SCAF4: variants seen among roughly 807,000 people sequenced by gnomAD.
SCAF4 encodes SR-related and CTD-associated factor 4.
SCAF4 carries 25 observed loss-of-function variants against 129.8 expected under a neutral mutation model. The observed-to-expected ratio is 0.19, with a 90% CI of 0.14 to 0.27. SCAF4 has a LOEUF of 0.27. Ranked by LOEUF, SCAF4 falls within the 10% of genes least tolerant of loss-of-function variation. The probability of loss-of-function intolerance (pLI) is 1.00; values close to 1 mark genes in which losing one functional copy is unlikely to be tolerated. For synonymous variants in SCAF4, 551 were observed against 497.7 expected (o/e 1.11, Z -1.43); for missense variants, 1,246 against 1,457.1 (o/e 0.86, Z 2.36).
chr21:31,696,883 G>T, intron 7 of SCAF4, 133 bp from the exon 8 acceptor site: 1 of 727,334 alleles, frequency 1.4e-6, no homozygotes, highest in Admixed American at 2.8e-5. Flanking sequence ...TTTCCCTTAT[G>T]CCCCTCAGGA....
intron 19 of SCAF4, among the ~76,000 whole-genome samples, chr21:31,674,005 G>A (rs1317396626): frequency 1.3e-5 from 2 of 152,214 alleles, no homozygotes; most frequent in Non-Finnish European, 2.9e-5. Flanking sequence ...CAGTTTCAAA[G>A]CATCTTATTA....
At chr21:31,677,880 T>A (rs1045798997) in intron 19 of SCAF4, among the ~76,000 whole-genome samples, 4 of 152,130 alleles carry the variant, frequency 2.6e-5, no homozygotes, top group Non-Finnish European at 5.9e-5. Context: ...AGTCTCCCCA[T>A]CTATAAAATG....
At position 31,708,089 on chromosome 21, in the gene SCAF4, T is replaced by C. The variant is rs375356369; in HGVS notation, c.31-1732A>G. Among the ~76,000 whole-genome samples, 55 of 152,174 alleles carry C rather than the reference T, an allele frequency of 3.6e-4. No individual in the cohort carries two copies. In the South Asian group the frequency reaches 0.011, roughly 30 times the overall value. Reference sequence around the variant, plus strand: ...AAACGCTCACTAACTGAAAGGCAATTAGAAAAGAAACAGTAAGGCCAGGCG... The same window carrying C: ...AAACGCTCACTAACTGAAAGGCAATCAGAAAAGAAACAGTAAGGCCAGGCG... On this transcript the variant is annotated intron_variant, in intron 1 of 19. Transcript: ENST00000286835.
intron 1 of SCAF4, among the ~76,000 whole-genome samples, chr21:31,714,844 T>G (rs1601257237): frequency 6.6e-6 from 1 of 151,722 alleles, no homozygotes; most frequent in Non-Finnish European, 1.5e-5. Flanking sequence ...ACCTAACACA[T>G]AAGTGCTGAG....
In SCAF4 at chr21:31,685,198, GA is replaced by G; in HGVS notation, c.2338del (p.Ser780LeufsTer23). The stretch of plus-strand genomic sequence containing the variant: ...CACTGTTGGAATGGGATTTCCAATA[GA>G]TAAGTCTTTTGTAGTGTCTTCATTT... ...GINEDTTKDL[S>X]IGNPIPTVVS... On this transcript the variant is annotated frameshift_variant, in exon 19 of 20. Coordinates refer to ENST00000286835, the MANE Select transcript of SCAF4 (RefSeq NM_020706.2). LOFTEE classifies it high-confidence loss of function. The G allele has an allele frequency of 6.2e-7, 1 of 1,611,942 alleles. No individual in the cohort carries two copies. The highest frequency in any genetic ancestry group is 8.5e-7 in the Non-Finnish European group (1 of 1,178,790).
intron 13 of SCAF4, 125 bp from the exon 14 acceptor site, chr21:31,692,055 C>T (rs746337703): frequency 1.2e-5 from 7 of 599,448 alleles, no homozygotes; most frequent in Non-Finnish European, 1.7e-5. Context: ...AGGTTAAATT[C>T]ATTTCTAAGT....
At chr21:31,697,357 TAGA>T (rs2050413056) in intron 7 of SCAF4, among the ~76,000 whole-genome samples, 1 of 152,206 alleles carries the variant, frequency 6.6e-6, no homozygotes, top group Non-Finnish European at 1.5e-5. Context: ...ATCACATATC[TAGA>T]AGAACAATTT....
rs1405440450 is a variant in SCAF4 at position 31,690,999 on chromosome 21, C to T, written c.1729-46G>A. The T allele has an allele frequency of 3.9e-6, 6 of 1,531,674 alleles. No homozygotes were observed. The African/African-American group carries it at 4.1e-5, about 11-fold the overall frequency. The allele number at this position is 1,531,674 out of a possible 1,614,324, so 94.9% of individuals were successfully genotyped here. A position where few individuals can be genotyped will look rare whatever the true frequency, so the allele number is the denominator to read the frequency against. ...ATATAAAAAGAAAACAAAGCAAGGT[C>T]GTAAGTCTTGAGGGTATTATTCTCT... On this transcript the variant is annotated intron_variant, in intron 14 of 19. Transcript: ENST00000286835.
At chr21:31,700,829 T>A in intron 7 of SCAF4, 166 bp downstream of exon 7, 1 of 830,162 alleles carries the variant, frequency 1.2e-6, no homozygotes, top group Non-Finnish European at 2.0e-6. Flanking sequence ...ACATATCACA[T>A]TTAAAACCAG....
At chr21:31,724,702 G>A (rs1021103116) in intron 1 of SCAF4, among the ~76,000 whole-genome samples, 1 of 152,076 alleles carries the variant, frequency 6.6e-6, no homozygotes, top group African/African-American at 2.4e-5. Context: ...AATTTTTACA[G>A]TGGCTTCGTA....
intron 1 of SCAF4, among the ~76,000 whole-genome samples, chr21:31,717,902 TATACACACACACACACACACACACAC>T (rs2050972179): frequency 1.0e-5 from 1 of 95,606 alleles, no homozygotes; most frequent in Admixed American, 1.1e-4. Context: ...TATACACATA[TATACACACACACACACACACACACAC>T]ACACACACAC....
intron 15 of SCAF4, 81 bp downstream of exon 15, chr21:31,690,716 G>A: frequency 7.8e-7 from 1 of 1,288,732 alleles, no homozygotes. Context: ...ACGTCCTAAT[G>A]CAAGGAACAG....
At chr21:31,731,414 G>A (rs922118632) in intron 1 of SCAF4, among the ~76,000 whole-genome samples, 3 of 152,218 alleles carry the variant, frequency 2.0e-5, no homozygotes, top group African/African-American at 2.4e-5. Context: ...AGGCCGCAAG[G>A]GGGCGAGGGG....
chr21:31,692,271 G>T, intron 13 of SCAF4, 78 bp downstream of exon 13: 2 of 1,078,230 alleles, frequency 1.9e-6, no homozygotes, highest in Non-Finnish European at 1.4e-6. Flanking sequence ...TTGTAACTTT[G>T]GTCTCAGGTC....
chr21:31,729,105 T>C (rs944343118), intron 1 of SCAF4, among the ~76,000 whole-genome samples: 2 of 152,138 alleles, frequency 1.3e-5, no homozygotes, highest in Non-Finnish European at 2.9e-5. Context: ...AACGAAACAG[T>C]TTTGATTACA....
At chr21:31,727,820 C>T (rs1047640375) in intron 1 of SCAF4, among the ~76,000 whole-genome samples, 1 of 151,884 alleles carries the variant, frequency 6.6e-6, no homozygotes, top group Non-Finnish European at 1.5e-5. Flanking sequence ...ACTCTTTATT[C>T]TATTCCACAA....
chr21:31,697,385 T>C (rs1234627061), intron 7 of SCAF4, among the ~76,000 whole-genome samples: 5 of 152,174 alleles, frequency 3.3e-5, no homozygotes, highest in Non-Finnish European at 5.9e-5. Flanking sequence ...TAAGATTTAT[T>C]CAGAAAAAAG....
chr21:31,701,642 T>A, intron 6 of SCAF4, 134 bp downstream of exon 6: 1 of 907,560 alleles, frequency 1.1e-6, no homozygotes, highest in East Asian at 2.9e-5. Context: ...ATTACTTCTC[T>A]TGTGAAGGCT....
Position 31,707,780 on chromosome 21 carries a change from T to A in SCAF4, c.31-1423A>T, listed in dbSNP as rs573760572. Among the ~76,000 whole-genome samples the A allele has an allele frequency of 8.5e-5, 13 of 152,334 alleles. 1 individual carries two copies. Among genetic ancestry groups the A allele is most frequent in the Middle Eastern group, 3.4e-3 (1 of 294 alleles). On this transcript the variant is annotated intron_variant, in intron 1 of 19. Coordinates refer to ENST00000286835, the MANE Select transcript of SCAF4 (RefSeq NM_020706.2). Reference sequence around the variant, plus strand: ...TTTTCTCAGAGTAAACAGCCCCACCTAGCAGTGTATCCTAAAAATTTAGAC... The same window carrying A: ...TTTTCTCAGAGTAAACAGCCCCACCAAGCAGTGTATCCTAAAAATTTAGAC...
Sources: allele counts gnomAD v4.1 joint callset (sites outside exome capture counted in the v4.1 genomes callset), GRCh38; gene constraint gnomAD v4.1.1; transcripts MANE v1.5; gene names NCBI Gene and HGNC (gene_info 2026-07-23, HGNC 2026-07-21).